Variants in SRGAP2 observed in about 807,000 individuals in gnomAD.
The protein encoded by SRGAP2 is SLIT-ROBO Rho GTPase activating protein 2, also known as SLIT-ROBO Rho GTPase-activating protein 2.
In SRGAP2, 15 loss-of-function variants were observed where a neutral mutation model predicts 57.2. That is an observed-to-expected ratio of 0.26 (90% CI 0.18 to 0.40). The LOEUF (loss-of-function observed/expected upper bound fraction) is 0.40. Among genes scored for constraint, SRGAP2 ranks in the 10% least tolerant of loss-of-function variants. The pLI is 1.00. For missense variants in SRGAP2, 520 were observed against 669.6 expected (o/e 0.78, Z 2.47); for synonymous variants, 249 against 248.0 (o/e 1.00, Z -0.04).
chr1:206,218,051 G>A (rs1244739183), intron 2 of SRGAP2, among the ~76,000 whole-genome samples: 2 of 151,934 alleles, frequency 1.3e-5, no homozygotes, highest in African/African-American at 4.8e-5. Flanking sequence ...GCTCAAGCCT[G>A]TAATCCCAGC....
chr1:206,325,286 A>G (rs1321959508), intron 3 of SRGAP2, among the ~76,000 whole-genome samples: 1 of 152,052 alleles, frequency 6.6e-6, no homozygotes, highest in Non-Finnish European at 1.5e-5. Context: ...ATACTTTCAC[A>G]GAACAATACT....
intron 3 of SRGAP2, chr1:206,312,094 G>A (rs1171175070): frequency 6.6e-6 from 1 of 152,166 alleles, no homozygotes; most frequent in African/African-American, 2.4e-5. Flanking sequence ...ACATCTCAGC[G>A]GGCACTCATC....
chr1:206,299,996 T>C (rs1474138141), intron 2 of SRGAP2, among the ~76,000 whole-genome samples: 17 of 149,674 alleles, frequency 1.1e-4, no homozygotes, highest in Non-Finnish European at 3.0e-5. Context: ...TAGCAGGTGG[T>C]ATCTATTAAC....
chr1:206,437,547 G>T, intron 15 of SRGAP2: 1 of 189,046 alleles, frequency 5.3e-6, no homozygotes, highest in Non-Finnish European at 1.1e-5. Context: ...TGATTGTTCT[G>T]TAAGTAGGTG....
chr1:206,394,038 CTT>C lies in SRGAP2; in HGVS notation c.831+390_831+391del, dbSNP rs577375533. 3.4e-3 allele frequency among the ~76,000 whole-genome samples: 171 copies of C among 49,900 alleles called. 1 individual carries two copies. Among genetic ancestry groups the C allele is most frequent in the African/African-American group, 0.022 (164 of 7,354 alleles). The allele number at this position is 49,900 out of a possible 152,430, so 32.7% of individuals were successfully genotyped here. ...CTATCTGCCAGGAAATACTTTCTTC[CTT>C]TTTTTTTTTTTTTTTTTTTTTTTTG... is the stretch of plus-strand genomic sequence containing the variant. On this transcript the variant is annotated intron_variant, in intron 7 of 22. Transcript: ENST00000573034.
At chr1:206,372,956 T>TTTCTTTC (rs1416086064) in intron 4 of SRGAP2, among the ~76,000 whole-genome samples, 438 of 9,200 alleles carry the variant, frequency 0.048, 82 homozygotes, top group South Asian at 0.13. Context: ...TCTTTCTTTC[T>TTTCTTTC]TTTCTTTCCT....
intron 21 of SRGAP2, chr1:206,455,259 C>G: frequency 1.8e-6 from 1 of 567,664 alleles, no homozygotes; most frequent in Non-Finnish European, 3.2e-6. Context: ...TGGAAGGGTG[C>G]TTTACTGTGT....
At chr1:206,291,726 G>A (rs1671334077) in intron 2 of SRGAP2, among the ~76,000 whole-genome samples, 1 of 149,480 alleles carries the variant, frequency 6.7e-6, no homozygotes, top group African/African-American at 2.6e-5. Context: ...TATATAAGAT[G>A]TGTCTGCCTA....
chr1:206,431,317 G>C (rs1405988183), intron 14 of SRGAP2, among the ~76,000 whole-genome samples: 1 of 152,198 alleles, frequency 6.6e-6, no homozygotes, highest in Non-Finnish European at 1.5e-5. Flanking sequence ...CAGGAAAACA[G>C]AAACAGGAAT....
At position 206,223,070 on chromosome 1, in the gene SRGAP2, G is replaced by A. The variant is rs6692480; in HGVS notation, c.67+17033G>A. Among the ~76,000 whole-genome samples the A allele has an allele frequency of 1.1e-4, 16 of 151,554 alleles. No homozygotes were observed. The South Asian group carries it at 2.1e-3, about 20-fold the overall frequency. On this transcript the variant is annotated intron_variant, in intron 2 of 22. Transcript: ENST00000573034. ...ATTACAGGCGTGAGCCACCGTGCCCGGCCTCAGAGTAGTTCTTAAATTGCA... is the reference window on the plus strand; with the variant it reads ...ATTACAGGCGTGAGCCACCGTGCCCAGCCTCAGAGTAGTTCTTAAATTGCA...
At chr1:206,321,296 A>C (rs1190557548) in intron 3 of SRGAP2, among the ~76,000 whole-genome samples, 22 of 118,474 alleles carry the variant, frequency 1.9e-4, no homozygotes, top group African/African-American at 8.3e-4. Context: ...TTCTCAGTGC[A>C]TCATATCAGG....
intron 15 of SRGAP2, among the ~76,000 whole-genome samples, chr1:206,437,370 C>G (rs923529939): frequency 6.6e-6 from 1 of 152,176 alleles, no homozygotes; most frequent in Non-Finnish European, 1.5e-5. Flanking sequence ...AAGGCTAATG[C>G]GCTTGTTCAT....
chr1:206,372,980 T>TCCTTTCTTTCTTTC (rs1491164060), intron 4 of SRGAP2, among the ~76,000 whole-genome samples: 1 of 74,136 alleles, frequency 1.3e-5, no homozygotes, highest in African/African-American at 6.4e-5. Flanking sequence ...TTTCTTTCTT[T>TCCTTTCTTTCTTTC]CTTTCTTTCT....
chr1:206,417,414 C>CTTTTTTT (rs1219905489), intron 11 of SRGAP2, among the ~76,000 whole-genome samples: 1 of 110,778 alleles, frequency 9.0e-6, no homozygotes, highest in Non-Finnish European at 1.8e-5. Flanking sequence ...GATCTTATGA[C>CTTTTTTT]TTTTTTTTTT....
intron 3 of SRGAP2, among the ~76,000 whole-genome samples, chr1:206,327,625 C>G (rs1553330505): frequency 8.2e-6 from 1 of 121,240 alleles, no homozygotes; most frequent in African/African-American, 3.6e-5. Context: ...GTGTGTTAGG[C>G]AGGGCAGGTC....
chr1:206,339,115 AAAG>A (rs1674982261), intron 3 of SRGAP2, among the ~76,000 whole-genome samples: 1 of 150,886 alleles, frequency 6.6e-6, no homozygotes, highest in Admixed American at 6.6e-5. Context: ...TAGATGGAAA[AAAG>A]AAGATATTTT....
At chr1:206,407,805 T>C (rs1658818588) in intron 10 of SRGAP2, 1 of 143,384 alleles carries the variant, frequency 7.0e-6, no homozygotes, top group South Asian at 2.2e-4. Flanking sequence ...TGTGAGCACA[T>C]ATTTATAATT....
At chr1:206,394,295 C>A (rs1467195088) in intron 7 of SRGAP2, among the ~76,000 whole-genome samples, 1 of 151,748 alleles carries the variant, frequency 6.6e-6, no homozygotes, top group Admixed American at 6.6e-5. Context: ...GACCTGACCT[C>A]AGGTGATCCA....
At chr1:206,306,878 G>A (rs1672240497) in intron 3 of SRGAP2, among the ~76,000 whole-genome samples, 1 of 151,638 alleles carries the variant, frequency 6.6e-6, no homozygotes, top group East Asian at 1.9e-4. Flanking sequence ...GCCGATTGGT[G>A]TATTTACAAT....
Sources: gnomAD v4.1 joint callset for allele counts (sites outside exome capture counted in the v4.1 genomes callset) on GRCh38, gnomAD v4.1.1 for gene constraint, MANE v1.5 for transcripts, NCBI Gene and HGNC (gene_info 2026-07-23, HGNC 2026-07-21) for gene names.